Variants in KPNA3 observed in about 807,000 individuals in gnomAD.
The protein encoded by KPNA3 is importin subunit alpha-4.
Under a neutral mutation model 73.8 loss-of-function variants are expected in KPNA3, and 13 were observed. The observed-to-expected ratio is 0.18, with a 90% confidence interval of 0.11 to 0.28. The LOEUF (loss-of-function observed/expected upper bound fraction) is 0.28. KPNA3 is among the 10% of genes least tolerant of loss of function. The pLI, the probability that KPNA3 is intolerant of heterozygous loss-of-function variation, is 1.00. For missense variants in KPNA3, 360 were observed against 618.1 expected (o/e 0.58, Z 4.43); for synonymous variants, 186 against 206.9 (o/e 0.90, Z 0.87).
intron 1 of KPNA3, 28 bp from the exon 2 acceptor site, chr13:49,747,021 T>C: frequency 6.5e-7 from 1 of 1,548,764 alleles, no homozygotes; most frequent in Non-Finnish European, 8.9e-7. Context: ...AGATTACAGA[T>C]GTATCAAAAT....
intron 1 of KPNA3, among the ~76,000 whole-genome samples, chr13:49,779,060 G>A (rs150868983): frequency 1.4e-3 from 212 of 151,936 alleles, no homozygotes; most frequent in African/African-American, 4.9e-3. Context: ...TGAAAAAGGA[G>A]TTGGACTCAT....
At chr13:49,770,623 A>G (rs1366797911) in intron 1 of KPNA3, among the ~76,000 whole-genome samples, 1 of 152,152 alleles carries the variant, frequency 6.6e-6, no homozygotes, top group Middle Eastern at 3.2e-3. Context: ...AGATCTACAC[A>G]GATGTTTTCT....
chr13:49,790,232 C>T lies in KPNA3; in HGVS notation c.69+2206G>A, dbSNP rs117766481. ...CTGTAGTTCGAACACTTTGGAAGGC[C>T]GAGGCGGGAGAATCACTGGAGCCCA... On this transcript the variant is annotated intron_variant, in intron 1 of 16. Coordinates refer to ENST00000261667, the MANE Select transcript of KPNA3 (RefSeq NM_002267.4). 4.2e-3 allele frequency among the ~76,000 whole-genome samples: 644 copies of T among 152,178 alleles called. 2 individuals carry two copies. Among genetic ancestry groups the T allele is most frequent in the Non-Finnish European group, 7.7e-3 (523 of 67,996 alleles).
chr13:49,729,019 A>C (rs1001522273), intron 6 of KPNA3, among the ~76,000 whole-genome samples: 2 of 152,240 alleles, frequency 1.3e-5, no homozygotes, highest in African/African-American at 4.8e-5. Flanking sequence ...ACATGGTTAA[A>C]TTCCCAGGAC....
intron 6 of KPNA3, among the ~76,000 whole-genome samples, chr13:49,727,435 G>C (rs1954419876): frequency 7.1e-6 from 1 of 141,360 alleles, no homozygotes; most frequent in Admixed American, 7.3e-5. Context: ...GCGACAGAGA[G>C]AGATTCCATC....
intron 2 of KPNA3, among the ~76,000 whole-genome samples, chr13:49,743,227 A>T (rs1055450903): frequency 6.6e-6 from 1 of 152,166 alleles, no homozygotes; most frequent in Non-Finnish European, 1.5e-5. Flanking sequence ...TTTTGTTTTC[A>T]AGAATCTCAA....
intron 1 of KPNA3, among the ~76,000 whole-genome samples, chr13:49,754,326 C>G (rs922887297): frequency 1.3e-5 from 2 of 151,934 alleles, no homozygotes; most frequent in African/African-American, 2.4e-5. Flanking sequence ...AAAAAAACAA[C>G]TAAGTGTATT....
chr13:49,749,625 A>G (rs1954645743), intron 1 of KPNA3, among the ~76,000 whole-genome samples: 1 of 152,188 alleles, frequency 6.6e-6, no homozygotes, highest in Non-Finnish European at 1.5e-5. Flanking sequence ...TCTCCAGTCT[A>G]AAAGTACTAT....
intron 2 of KPNA3, 44 bp from the exon 3 acceptor site, chr13:49,733,090 T>C: frequency 8.3e-7 from 1 of 1,210,336 alleles, no homozygotes; most frequent in Non-Finnish European, 1.2e-6. Context: ...TAAGGACTAC[T>C]GTTAATGAAA....
At chr13:49,720,939 G>C (rs115570540) in intron 9 of KPNA3, among the ~76,000 whole-genome samples, 1 of 152,016 alleles carries the variant, frequency 6.6e-6, no homozygotes, top group Admixed American at 6.6e-5. Context: ...GAGTTAGGCC[G>C]TGGGGGCAGT....
At chr13:49,708,881 C>T (rs1357837081) in intron 12 of KPNA3, among the ~76,000 whole-genome samples, 1 of 152,084 alleles carries the variant, frequency 6.6e-6, no homozygotes, top group African/African-American at 2.4e-5. Flanking sequence ...TGAATTTAGG[C>T]ACCTCGTCTT....
intron 1 of KPNA3, among the ~76,000 whole-genome samples, chr13:49,787,195 T>A (rs945589297): frequency 6.6e-6 from 1 of 152,182 alleles, no homozygotes; most frequent in African/African-American, 2.4e-5. Context: ...AACTAAAGCA[T>A]AAAGCTTAAG....
intron 1 of KPNA3, among the ~76,000 whole-genome samples, chr13:49,757,804 C>T (rs1954724280): frequency 6.6e-6 from 1 of 152,124 alleles, no homozygotes; most frequent in African/African-American, 2.4e-5. Context: ...TGTGGTACAT[C>T]CATACCATGG....
intron 2 of KPNA3, among the ~76,000 whole-genome samples, chr13:49,735,617 G>GTT (rs1488857708): frequency 6.6e-6 from 1 of 152,100 alleles, no homozygotes; most frequent in Admixed American, 6.6e-5. Context: ...CTTTTGTCAG[G>GTT]TGAGAAAGCA....
At chr13:49,765,252 A>C (rs1414019597) in intron 1 of KPNA3, among the ~76,000 whole-genome samples, 1 of 152,242 alleles carries the variant, frequency 6.6e-6, no homozygotes, top group Non-Finnish European at 1.5e-5. Flanking sequence ...AATACATGTA[A>C]GGGAAAATCT....
chr13:49,788,895 G>C (rs977251193), intron 1 of KPNA3, among the ~76,000 whole-genome samples: 1 of 151,870 alleles, frequency 6.6e-6, no homozygotes, highest in Non-Finnish European at 1.5e-5. Flanking sequence ...ATAAACCTCA[G>C]AATAACCTTT....
At chr13:49,704,424 AAATAAATAAAAAATAAATAAAT>A (rs1566330751) in intron 15 of KPNA3, among the ~76,000 whole-genome samples, 9 of 101,300 alleles carry the variant, frequency 8.9e-5, no homozygotes, top group African/African-American at 2.6e-4. Context: ...AAAAAAAAAT[AAATAAATAAAAAATAAATAAAT>A]AAATAAATAA....
chr13:49,724,457 C>T (rs1177882134), intron 7 of KPNA3, among the ~76,000 whole-genome samples: 1 of 152,094 alleles, frequency 6.6e-6, no homozygotes, highest in Non-Finnish European at 1.5e-5. Context: ...GCGCCCGCCA[C>T]CATGCCCGGC....
intron 2 of KPNA3, among the ~76,000 whole-genome samples, chr13:49,740,444 C>T (rs947890422): frequency 2.6e-5 from 4 of 152,028 alleles, no homozygotes; most frequent in East Asian, 1.9e-4. Context: ...CCACAATTCC[C>T]GTGTGCCGTG....
Sources: allele counts gnomAD v4.1 joint callset (sites outside exome capture counted in the v4.1 genomes callset), GRCh38; gene constraint gnomAD v4.1.1; transcripts MANE v1.5; gene names NCBI Gene and HGNC (gene_info 2026-07-23, HGNC 2026-07-21).